Variants in DNAI1 observed in about 807,000 individuals in gnomAD.
DNAI1 encodes dynein axonemal intermediate chain 1.
Under a neutral mutation model 92.0 loss-of-function variants are expected in DNAI1, and 67 were observed. That is an observed-to-expected ratio of 0.73 (90% CI 0.60 to 0.89). DNAI1 has a LOEUF of 0.89. Among genes scored for constraint, DNAI1 ranks in the 40% least tolerant of loss-of-function variants. The pLI is 0.00. For synonymous variants in DNAI1, 323 were observed against 319.6 expected, an observed-to-expected ratio of 1.01 and a Z score of -0.11; for missense variants, 839 against 866.6, an observed-to-expected ratio of 0.97 and a Z score of 0.40.
chr9:34,483,594 A>C (rs1291371382), intron 2 of DNAI1, 114 bp downstream of exon 2: 30 of 1,065,420 alleles, frequency 2.8e-5, no homozygotes, highest in Non-Finnish European at 2.9e-5. Flanking sequence ...AAGAATGTTA[A>C]AATCACCCTT....
At chr9:34,507,999 G>A (rs2132077960) in intron 13 of DNAI1, among the ~76,000 whole-genome samples, 1 of 152,350 alleles carries the variant, frequency 6.6e-6, no homozygotes. Context: ...CTGTGGCTTT[G>A]CAGGCCCTTC....
intron 5 of DNAI1, 123 bp from the exon 6 acceptor site, chr9:34,489,889 C>A: frequency 6.9e-7 from 1 of 1,458,776 alleles, no homozygotes; most frequent in Non-Finnish European, 9.3e-7. Context: ...CTGAATAGGT[C>A]AGGGAGCTAA....
chr9:34,511,025 A>T (rs991001962), intron 13 of DNAI1, among the ~76,000 whole-genome samples: 2 of 151,898 alleles, frequency 1.3e-5, no homozygotes, highest in African/African-American at 4.8e-5. Flanking sequence ...GCCCCCAACA[A>T]CCCTGGTGAC....
intron 9 of DNAI1, 147 bp downstream of exon 9, chr9:34,493,475 G>A (rs1824654363): frequency 1.7e-6 from 2 of 1,166,258 alleles, no homozygotes; most frequent in South Asian, 2.7e-5. Flanking sequence ...CTTTCCTTAG[G>A]GGAAGATGTG....
chr9:34,507,916 T>C (rs1452288705), intron 13 of DNAI1, among the ~76,000 whole-genome samples: 1 of 152,198 alleles, frequency 6.6e-6, no homozygotes, highest in Non-Finnish European at 1.5e-5. Context: ...GGGGCTGGAT[T>C]TCACCCTGAC....
At chr9:34,511,245 GTC>G (rs1825059484) in intron 13 of DNAI1, among the ~76,000 whole-genome samples, 1 of 152,236 alleles carries the variant, frequency 6.6e-6, no homozygotes, top group Admixed American at 6.5e-5. Context: ...AGAAACTTGA[GTC>G]TCAAGCGTGT....
At chr9:34,472,963 G>A (rs1824169476) in intron 1 of DNAI1, among the ~76,000 whole-genome samples, 1 of 151,262 alleles carries the variant, frequency 6.6e-6, no homozygotes, top group African/African-American at 2.4e-5. Context: ...CCACAATTCT[G>A]TAGTCACACT....
At chr9:34,514,246 A>G in intron 16 of DNAI1, 148 bp from the exon 17 acceptor site, 1 of 1,040,328 alleles carries the variant, frequency 9.6e-7, no homozygotes, top group South Asian at 1.3e-5. Flanking sequence ...TGAGGGTGGG[A>G]AGGGCAGCCA....
In DNAI1 at chr9:34,458,922, A is replaced by G; in HGVS notation, c.-84A>G. 1 of 1,246,982 alleles carries G rather than the reference A, an allele frequency of 8.0e-7. No homozygotes were observed. The highest frequency in any genetic ancestry group is 2.3e-5 in the East Asian group (1 of 43,138). The allele number at this position is 1,246,982 out of a possible 1,614,324, so 77.2% of individuals were successfully genotyped here. On this transcript the variant is annotated 5_prime_UTR_variant, in exon 1 of 20. Transcript: ENST00000242317. The surrounding 1 kb of genome is among the most constrained non-coding windows in gnomAD (Gnocchi z 6.6). ...TGGTAACTGAAGTGGAAGAGAGTCCAGATTTCTTGTGTGTGGTCAAGGAGA... is the reference window on the plus strand; with the variant it reads ...TGGTAACTGAAGTGGAAGAGAGTCCGGATTTCTTGTGTGTGGTCAAGGAGA...
chr9:34,489,108 A>G, intron 4 of DNAI1: 1 of 547,382 alleles, frequency 1.8e-6, no homozygotes, highest in Non-Finnish European at 3.2e-6. Flanking sequence ...ATCCTTGATG[A>G]TAACTTTAAA....
chr9:34,487,878 T>G (rs2132059823), intron 4 of DNAI1: 1 of 164,354 alleles, frequency 6.1e-6, no homozygotes, highest in Admixed American at 6.5e-5. Context: ...AGCTGCTACT[T>G]TCCTTTGATG....
chr9:34,505,608 T>C (rs1331143930), intron 12 of DNAI1, among the ~76,000 whole-genome samples: 1 of 152,016 alleles, frequency 6.6e-6, no homozygotes, highest in Non-Finnish European at 1.5e-5. Flanking sequence ...AATAAGGGAG[T>C]CATTAAACAG....
At chr9:34,490,251 T>C (rs1824560148) in intron 6 of DNAI1, 118 bp from the exon 7 acceptor site, 2 of 1,605,792 alleles carry the variant, frequency 1.2e-6, no homozygotes, top group Non-Finnish European at 1.7e-6. Flanking sequence ...TGCCAATGTG[T>C]CTGGCAGCAT....
intron 2 of DNAI1, among the ~76,000 whole-genome samples, chr9:34,483,817 T>C (rs1212354125): frequency 1.3e-5 from 2 of 152,254 alleles, no homozygotes; most frequent in African/African-American, 4.8e-5. Context: ...CTAATAAATA[T>C]ATTTTTATAG....
intron 7 of DNAI1, among the ~76,000 whole-genome samples, chr9:34,491,160 T>G (rs565837862): frequency 6.6e-6 from 1 of 152,344 alleles, no homozygotes; most frequent in African/African-American, 2.4e-5. Context: ...GTTAGTCTGA[T>G]GGCCTGACAG....
At chr9:34,471,981 C>A (rs771338779) in intron 1 of DNAI1, among the ~76,000 whole-genome samples, 54 of 152,286 alleles carry the variant, frequency 3.5e-4, no homozygotes, top group Non-Finnish European at 6.9e-4. Flanking sequence ...TTATTGTCAT[C>A]CTTCTGCTGT....
intron 1 of DNAI1, among the ~76,000 whole-genome samples, chr9:34,482,804 T>TCC (rs1191295189): frequency 6.6e-6 from 1 of 152,206 alleles, no homozygotes; most frequent in Non-Finnish European, 1.5e-5. Flanking sequence ...CTGGGCGCCG[T>TCC]GGAGCAGAGG....
At chr9:34,492,367 C>T (rs1824618950) in intron 8 of DNAI1, among the ~76,000 whole-genome samples, 1 of 151,214 alleles carries the variant, frequency 6.6e-6, no homozygotes, top group Non-Finnish European at 1.5e-5. Context: ...CTGTCAGATC[C>T]ATTTAGCAAA....
At chr9:34,484,404 G>A (rs906302362) in intron 2 of DNAI1, among the ~76,000 whole-genome samples, 1 of 152,146 alleles carries the variant, frequency 6.6e-6, no homozygotes, top group African/African-American at 2.4e-5. Flanking sequence ...TTTTTAGAAA[G>A]GTTATACTAA....
Sources: allele counts gnomAD v4.1 joint callset (sites outside exome capture counted in the v4.1 genomes callset), GRCh38; gene constraint gnomAD v4.1.1; non-coding constraint Gnocchi (gnomAD v3.1); transcripts MANE v1.5; gene names NCBI Gene and HGNC (gene_info 2026-07-23, HGNC 2026-07-21).